The following IL1RAPL2 variants were observed in gnomAD, a reference collection of about 807,000 sequenced individuals.
IL1RAPL2 encodes interleukin 1 receptor accessory protein like 2.
A neutral mutation model predicts 44.1 loss-of-function variants in IL1RAPL2; 3 were observed. The ratio of observed to expected loss-of-function variants is 0.07; its 90% CI spans 0.03 to 0.18. The LOEUF is 0.18. IL1RAPL2 is among the 10% of genes least tolerant of loss of function. IL1RAPL2 has a pLI of 1.00. For missense variants in IL1RAPL2, 391 were observed against 496.4 expected, an observed-to-expected ratio of 0.79 and a Z score of 2.02; for synonymous variants, 181 against 178.8, an observed-to-expected ratio of 1.01 and a Z score of -0.10.
chrX:104,720,943 G>T (rs1458773185), intron 2 of IL1RAPL2, among the ~76,000 whole-genome samples: 1 of 111,260 alleles, frequency 9.0e-6, no homozygotes. Context: ...CAACATAACT[G>T]ATCATTAGAG....
intron 3 of IL1RAPL2, among the ~76,000 whole-genome samples, chrX:105,224,271 G>A (rs1432886465): frequency 9.0e-6 from 1 of 111,517 alleles, no homozygotes; most frequent in African/African-American, 3.3e-5. Context: ...AAGGTAAAAA[G>A]AGTGTTATTA....
chrX:105,190,757 C>T (rs1452649494), intron 2 of IL1RAPL2, among the ~76,000 whole-genome samples: 2 of 112,235 alleles, frequency 1.8e-5, no homozygotes, highest in African/African-American at 3.2e-5. Flanking sequence ...TTTTATTGCA[C>T]TCAATGTTCT....
intron 8 of IL1RAPL2, among the ~76,000 whole-genome samples, chrX:105,746,277 A>G (rs980286098): frequency 8.9e-6 from 1 of 112,551 alleles, no homozygotes; most frequent in Admixed American, 9.4e-5. Flanking sequence ...GCCTAGAAAA[A>G]GTTACAAGCC....
At chrX:105,056,242 T>C (rs923025207) in intron 2 of IL1RAPL2, among the ~76,000 whole-genome samples, 1 of 111,517 alleles carries the variant, frequency 9.0e-6, no homozygotes, top group African/African-American at 3.3e-5. Flanking sequence ...TTCTGGAAAA[T>C]CTAAATTTGC....
chrX:105,479,930 G>A (rs1030387791), intron 5 of IL1RAPL2, among the ~76,000 whole-genome samples: 2 of 111,158 alleles, frequency 1.8e-5, no homozygotes, highest in Non-Finnish European at 3.8e-5. Flanking sequence ...ATGTTATGAC[G>A]AAAATAGTGA....
intron 3 of IL1RAPL2, among the ~76,000 whole-genome samples, chrX:105,221,529 CAA>C (rs1382921674): frequency 9.0e-6 from 1 of 111,349 alleles, no homozygotes; most frequent in Non-Finnish European, 1.9e-5. Context: ...AGTTTGGACA[CAA>C]AAGAGAAAAA....
At chrX:105,655,319 A>G (rs2037670150) in intron 6 of IL1RAPL2, among the ~76,000 whole-genome samples, 1 of 112,651 alleles carries the variant, frequency 8.9e-6, no homozygotes, top group Non-Finnish European at 1.9e-5. Flanking sequence ...CTCCCACCAT[A>G]TAACATCTCA....
rs188736583 is a variant in IL1RAPL2 at position 104,624,278 on chromosome X, C to T, written c.-19-34617C>T. Among the ~76,000 whole-genome samples, 201 of 110,899 alleles carry T rather than the reference C, an allele frequency of 1.8e-3. 2 individuals are homozygous for T. Among genetic ancestry groups the T allele is most frequent in the African/African-American group, 5.9e-3 (180 of 30,545 alleles). ...CGACTTTCAGAACACTTTTGGAATA[C>T]GGCTTGACTTTAAAACTTTTACCAT... On this transcript the variant is annotated intron_variant, in intron 1 of 10. Transcript: ENST00000372582.
At chrX:105,225,550 A>G (rs1556187680) in intron 3 of IL1RAPL2, among the ~76,000 whole-genome samples, 1 of 111,407 alleles carries the variant, frequency 9.0e-6, no homozygotes, top group Admixed American at 9.6e-5. Flanking sequence ...TAAATGAACT[A>G]TCTCATTGTT....
intron 5 of IL1RAPL2, among the ~76,000 whole-genome samples, chrX:105,428,540 C>T (rs139501540): frequency 8.1e-5 from 9 of 111,350 alleles, no homozygotes; most frequent in East Asian, 2.8e-4. Flanking sequence ...TTCACTTCTG[C>T]GAAAAGAGGG....
At chrX:105,068,394 C>T (rs1239331751) in intron 2 of IL1RAPL2, among the ~76,000 whole-genome samples, 5 of 111,781 alleles carry the variant, frequency 4.5e-5, no homozygotes, top group Non-Finnish European at 7.5e-5. Context: ...ATGTGTTCTA[C>T]GTTCTTTCCC....
At chrX:105,060,590 T>C (rs1404812329) in intron 2 of IL1RAPL2, among the ~76,000 whole-genome samples, 1 of 104,250 alleles carries the variant, frequency 9.6e-6, no homozygotes, top group East Asian at 2.9e-4. Context: ...TTTTTCTTTT[T>C]TTTTTTTTTT....
intron 2 of IL1RAPL2, among the ~76,000 whole-genome samples, chrX:105,140,843 G>T (rs763273309): frequency 2.0e-4 from 22 of 112,008 alleles, no homozygotes; most frequent in Middle Eastern, 4.6e-3. Flanking sequence ...AATGGATGTG[G>T]ATATGTAGAG....
chrX:105,741,676 C>A (rs2038501391), intron 8 of IL1RAPL2, among the ~76,000 whole-genome samples: 1 of 111,280 alleles, frequency 9.0e-6, no homozygotes, highest in Admixed American at 9.6e-5. Context: ...ACTTCGTACT[C>A]CATTAGACTT....
At chrX:104,709,267 C>T (rs1931413182) in intron 2 of IL1RAPL2, among the ~76,000 whole-genome samples, 1 of 109,689 alleles carries the variant, frequency 9.1e-6, no homozygotes, top group Non-Finnish European at 1.9e-5. Flanking sequence ...GAATAAAAAG[C>T]CTGGATAATG....
At chrX:105,378,741 A>G (rs2035406738) in intron 5 of IL1RAPL2, among the ~76,000 whole-genome samples, 2 of 112,123 alleles carry the variant, frequency 1.8e-5, no homozygotes, top group African/African-American at 6.5e-5. Flanking sequence ...TCAGCCATTT[A>G]CCTTCTATTC....
At chrX:105,077,605 G>A (rs1328803335) in intron 2 of IL1RAPL2, among the ~76,000 whole-genome samples, 1 of 111,584 alleles carries the variant, frequency 9.0e-6, no homozygotes, top group African/African-American at 3.3e-5. Flanking sequence ...TGCTAGATTG[G>A]GGAAATTCTC....
intron 9 of IL1RAPL2, among the ~76,000 whole-genome samples, chrX:105,750,444 A>T (rs1232036630): frequency 8.6e-5 from 8 of 92,980 alleles, no homozygotes; most frequent in African/African-American, 1.6e-4. Context: ...TGGCCAATTT[A>T]TTATTATTAT....
intron 5 of IL1RAPL2, among the ~76,000 whole-genome samples, chrX:105,402,445 G>A (rs895768785): frequency 6.3e-5 from 7 of 111,564 alleles, no homozygotes; most frequent in East Asian, 2.8e-4. Flanking sequence ...TTGTAAGAAT[G>A]TATTATTATA....
Sources: allele counts gnomAD v4.1 joint callset (sites outside exome capture counted in the v4.1 genomes callset), GRCh38; gene constraint gnomAD v4.1.1; transcripts MANE v1.5; gene names NCBI Gene and HGNC (gene_info 2026-07-23, HGNC 2026-07-21).